Variants in RBFOX1 observed in about 807,000 individuals in gnomAD.
The protein encoded by RBFOX1 is RNA binding fox-1 homolog 1, also known as RNA binding protein fox-1 homolog 1.
In RBFOX1, 8 loss-of-function variants were observed where a neutral mutation model predicts 57.7. That is an observed-to-expected ratio of 0.14 (90% confidence interval 0.08 to 0.25). The LOEUF (loss-of-function observed/expected upper bound fraction) is 0.25, where lower values mean the gene tolerates loss of function less well. Among genes scored for constraint, RBFOX1 ranks in the 10% least tolerant of loss-of-function variants. The probability of loss-of-function intolerance (pLI) is 1.00; values close to 1 mark genes in which losing one functional copy is unlikely to be tolerated. For missense variants in RBFOX1, 611 were observed against 548.5 expected, an observed-to-expected ratio of 1.11 and a Z score of -1.14; for synonymous variants, 326 against 222.4, an observed-to-expected ratio of 1.47 and a Z score of -4.15.
intron 11 of RBFOX1, among the ~76,000 whole-genome samples, chr16:7,649,583 G>C (rs1228006602): frequency 6.6e-6 from 1 of 152,178 alleles, no homozygotes; most frequent in Non-Finnish European, 1.5e-5. Context: ...ATTCTGAGCA[G>C]GTCACTTTGT....
At chr16:6,138,136 A>G (rs2096682367) in intron 1 of RBFOX1, among the ~76,000 whole-genome samples, 1 of 152,198 alleles carries the variant, frequency 6.6e-6, no homozygotes, top group Non-Finnish European at 1.5e-5. Context: ...TTCTAGTTCT[A>G]TCGTTAATAT....
At chr16:5,787,170 T>A (rs1245566388) in intron 3 of RBFOX1, among the ~76,000 whole-genome samples, 1 of 152,124 alleles carries the variant, frequency 6.6e-6, no homozygotes, top group East Asian at 1.9e-4. Context: ...CTCATAGCAT[T>A]TCTTTTTGTG....
intron 4 of RBFOX1, among the ~76,000 whole-genome samples, chr16:7,162,632 G>A (rs1014523407): frequency 1.0e-3 from 155 of 151,944 alleles, no homozygotes; most frequent in Non-Finnish European, 9.0e-4. Flanking sequence ...GGGAGGCTGA[G>A]GCAGGAGAAT....
chr16:5,653,980 C>G (rs1230952308), intron 3 of RBFOX1, among the ~76,000 whole-genome samples: 1 of 152,214 alleles, frequency 6.6e-6, no homozygotes, highest in Non-Finnish European at 1.5e-5. Context: ...TGGTCGGCCA[C>G]TCACGCAGCA....
chr16:7,179,197 C>G (rs1601996987), intron 4 of RBFOX1, among the ~76,000 whole-genome samples: 1 of 149,494 alleles, frequency 6.7e-6, no homozygotes, highest in East Asian at 1.9e-4. Context: ...AAATTTTTAT[C>G]TATATGGAAG....
chr16:6,817,145 T>C (rs2090262261), intron 3 of RBFOX1, among the ~76,000 whole-genome samples: 1 of 152,186 alleles, frequency 6.6e-6, no homozygotes, highest in African/African-American at 2.4e-5. Context: ...GGCTGCAACC[T>C]GCTGAGTAAA....
At chr16:5,954,649 A>T (rs572168570) in intron 4 of RBFOX1, among the ~76,000 whole-genome samples, 1 of 152,258 alleles carries the variant, frequency 6.6e-6, no homozygotes, top group South Asian at 2.1e-4. Flanking sequence ...AGGACTCATA[A>T]GTTGGCAGAG....
At chr16:6,299,061 G>A (rs1390478549) in intron 1 of RBFOX1, among the ~76,000 whole-genome samples, 1 of 152,092 alleles carries the variant, frequency 6.6e-6, no homozygotes, top group Non-Finnish European at 1.5e-5. Flanking sequence ...CAGGTAAAAG[G>A]CATCTGCCAA....
At chr16:6,215,214 G>A (rs184159543) in intron 1 of RBFOX1, among the ~76,000 whole-genome samples, 37 of 136,842 alleles carry the variant, frequency 2.7e-4, no homozygotes, top group Non-Finnish European at 4.8e-4. Flanking sequence ...GAGAGGGAGA[G>A]GGGGAGAGAC....
At chr16:6,524,944 G>A (rs2096558472) in intron 2 of RBFOX1, among the ~76,000 whole-genome samples, 3 of 151,972 alleles carry the variant, frequency 2.0e-5, no homozygotes, top group Admixed American at 6.6e-5. Flanking sequence ...TAATTATATC[G>A]GCAAGGACCC....
intron 3 of RBFOX1, among the ~76,000 whole-genome samples, chr16:6,761,884 T>G (rs1233886404): frequency 1.3e-5 from 2 of 152,084 alleles, no homozygotes; most frequent in African/African-American, 4.8e-5. Context: ...AGCAGGTACC[T>G]TCTTCCTCAC....
chr16:5,480,155 G>T (rs1036792143), intron 2 of RBFOX1, among the ~76,000 whole-genome samples: 1 of 152,174 alleles, frequency 6.6e-6, no homozygotes, highest in Admixed American at 6.5e-5. Flanking sequence ...AATGACTTGT[G>T]ATCTAGGTTT....
At chr16:7,477,244 C>G (rs376713969) in intron 4 of RBFOX1, among the ~76,000 whole-genome samples, 2 of 152,242 alleles carry the variant, frequency 1.3e-5, no homozygotes, top group African/African-American at 4.8e-5. Context: ...GACATCGATG[C>G]AAATATGGTT....
chr16:6,402,711 G>A (rs1376503678), intron 2 of RBFOX1, among the ~76,000 whole-genome samples: 3 of 152,046 alleles, frequency 2.0e-5, no homozygotes, highest in African/African-American at 7.2e-5. Flanking sequence ...TAGAAAACAT[G>A]GTTTGAAGGA....
intron 3 of RBFOX1, among the ~76,000 whole-genome samples, chr16:6,742,733 C>G (rs546923114): frequency 2.6e-5 from 4 of 152,216 alleles, no homozygotes; most frequent in East Asian, 1.9e-4. Flanking sequence ...TTAAAACAGT[C>G]TCAAAAGGTT....
At chr16:6,582,391 T>C (rs893002328) in intron 2 of RBFOX1, among the ~76,000 whole-genome samples, 4 of 152,130 alleles carry the variant, frequency 2.6e-5, no homozygotes, top group African/African-American at 9.7e-5. Flanking sequence ...GCTGACATAA[T>C]GTTGCATTTT....
At chr16:7,373,893 A>T (rs772904899) in intron 4 of RBFOX1, among the ~76,000 whole-genome samples, 3 of 152,114 alleles carry the variant, frequency 2.0e-5, no homozygotes, top group African/African-American at 7.2e-5. Context: ...TTCTCATTCC[A>T]CTCAAATCTT....
At chr16:7,213,613 T>A (rs1421194265) in intron 4 of RBFOX1, among the ~76,000 whole-genome samples, 1 of 151,938 alleles carries the variant, frequency 6.6e-6, no homozygotes, top group Non-Finnish European at 1.5e-5. Context: ...TGATGGGAGC[T>A]TACCGTGTGC....
chr16:6,728,524 G>A (rs2067774050), intron 3 of RBFOX1, among the ~76,000 whole-genome samples: 1 of 152,160 alleles, frequency 6.6e-6, no homozygotes, highest in Admixed American at 6.5e-5. Flanking sequence ...CAACGCATCT[G>A]AAGTGGTGAC....
Sources: allele counts gnomAD v4.1 joint callset (sites outside exome capture counted in the v4.1 genomes callset), GRCh38; gene constraint gnomAD v4.1.1; transcripts MANE v1.5; gene names NCBI Gene and HGNC (gene_info 2026-07-23, HGNC 2026-07-21).